The following MCC variants were observed in gnomAD, a reference collection of about 807,000 sequenced individuals.
MCC encodes MCC regulator of Wnt signaling pathway.
Under a neutral mutation model 116.2 loss-of-function variants are expected in MCC, and 90 were observed. The ratio of observed to expected loss-of-function variants is 0.77; its 90% CI spans 0.65 to 0.92. The LOEUF (loss-of-function observed/expected upper bound fraction) is 0.92. MCC is among the 40% of genes least tolerant of loss of function. The pLI is 0.00. For missense variants in MCC, 1,516 were observed against 1,312.2 expected (o/e 1.16, Z -2.40); for synonymous variants, 578 against 510.5 (o/e 1.13, Z -1.78).
At chr5:113,107,480 G>T (rs991587721) in intron 6 of MCC, among the ~76,000 whole-genome samples, 1 of 152,034 alleles carries the variant, frequency 6.6e-6, no homozygotes, top group Non-Finnish European at 1.5e-5. Context: ...TGTGGACCTC[G>T]ACCTGAGCTG....
At chr5:113,401,321 T>C (rs1769680936) in intron 1 of MCC, among the ~76,000 whole-genome samples, 1 of 152,166 alleles carries the variant, frequency 6.6e-6, no homozygotes, top group South Asian at 2.1e-4. Flanking sequence ...TACAATTATG[T>C]TTATTTTTTC....
chr5:113,271,623 T>C (rs573525667), intron 3 of MCC, among the ~76,000 whole-genome samples: 12 of 152,140 alleles, frequency 7.9e-5, no homozygotes, highest in African/African-American at 2.9e-4. Context: ...GTTCCCCACA[T>C]TGGGAATGTG....
At chr5:113,418,319 AAT>A (rs1447556816) in intron 1 of MCC, among the ~76,000 whole-genome samples, 7 of 148,318 alleles carry the variant, frequency 4.7e-5, no homozygotes, top group South Asian at 2.1e-4. Context: ...AAAAAGGTGA[AAT>A]ATGTTATATG....
chr5:113,053,309 G>A (rs1752605176), intron 15 of MCC, among the ~76,000 whole-genome samples: 1 of 152,134 alleles, frequency 6.6e-6, no homozygotes, highest in African/African-American at 2.4e-5. Context: ...CAGGAAACTA[G>A]GGCTCTCGGC....
intron 6 of MCC, among the ~76,000 whole-genome samples, chr5:113,111,659 A>G (rs1369277479): frequency 6.6e-6 from 1 of 152,254 alleles, no homozygotes; most frequent in Non-Finnish European, 1.5e-5. Context: ...AATACACTAC[A>G]GGAACTTAAC....
chr5:113,045,632 T>G (rs1464048800), intron 16 of MCC, among the ~76,000 whole-genome samples: 2 of 151,948 alleles, frequency 1.3e-5, no homozygotes, highest in East Asian at 3.9e-4. Flanking sequence ...AAAACTCATC[T>G]CTACTAAAAA....
chr5:113,281,471 GACC>G (rs1401435727), intron 3 of MCC, among the ~76,000 whole-genome samples: 2 of 152,190 alleles, frequency 1.3e-5, no homozygotes, highest in Non-Finnish European at 2.9e-5. Context: ...CACAGGCAGT[GACC>G]ACAATGCCAC....
intron 3 of MCC, among the ~76,000 whole-genome samples, chr5:113,300,820 A>G (rs1017439668): frequency 1.3e-5 from 2 of 152,254 alleles, no homozygotes; most frequent in Admixed American, 6.5e-5. Flanking sequence ...ACCAGCCTCA[A>G]TGGCCTGCCC....
intron 17 of MCC, among the ~76,000 whole-genome samples, chr5:113,031,788 A>G (rs191692753): frequency 7.9e-4 from 121 of 152,240 alleles, no homozygotes; most frequent in Middle Eastern, 3.4e-3. Context: ...TCAGGGGACC[A>G]GAGGGAACTT....
intron 2 of MCC, among the ~76,000 whole-genome samples, chr5:113,357,453 C>T (rs746976027): frequency 6.6e-5 from 10 of 152,214 alleles, no homozygotes; most frequent in Non-Finnish European, 1.2e-4. Context: ...CAGAAGAGGG[C>T]CCCCCACCTA....
intron 1 of MCC, among the ~76,000 whole-genome samples, chr5:113,462,376 C>T (rs904383140): frequency 2.0e-5 from 3 of 152,212 alleles, no homozygotes; most frequent in Admixed American, 2.0e-4. Flanking sequence ...TCAACAGAAA[C>T]ACTGGGAAAT....
At chr5:113,028,241 C>G (rs1361885778) in intron 18 of MCC, among the ~76,000 whole-genome samples, 2 of 152,176 alleles carry the variant, frequency 1.3e-5, no homozygotes, top group Admixed American at 6.5e-5. Context: ...CAATATACAT[C>G]CACATAATGT....
intron 1 of MCC, among the ~76,000 whole-genome samples, chr5:113,395,343 A>C (rs1399070799): frequency 6.6e-6 from 1 of 152,222 alleles, no homozygotes; most frequent in Non-Finnish European, 1.5e-5. Flanking sequence ...GGAAAATAAA[A>C]ACTTGGGACC....
chr5:113,191,048 T>C (rs1454657794), intron 3 of MCC, among the ~76,000 whole-genome samples: 1 of 152,172 alleles, frequency 6.6e-6, no homozygotes, highest in Non-Finnish European at 1.5e-5. Flanking sequence ...CTGGATTATA[T>C]AGATGACTTA....
intron 3 of MCC, among the ~76,000 whole-genome samples, chr5:113,216,025 G>A (rs1051835445): frequency 6.6e-6 from 1 of 152,188 alleles, no homozygotes; most frequent in Non-Finnish European, 1.5e-5. Context: ...TGTTCCAGAG[G>A]TCAGGAAACT....
At chr5:113,235,321 G>A (rs946792279) in intron 3 of MCC, among the ~76,000 whole-genome samples, 2 of 152,140 alleles carry the variant, frequency 1.3e-5, no homozygotes, top group Non-Finnish European at 2.9e-5. Flanking sequence ...TAGCCTCTTT[G>A]TTAACTTAGA....
chr5:113,172,615 A>G (rs962214861), intron 3 of MCC, among the ~76,000 whole-genome samples: 2 of 152,368 alleles, frequency 1.3e-5, no homozygotes, highest in Admixed American at 1.3e-4. Context: ...ACCCATGGCC[A>G]TCTGTCCATC....
At chr5:113,160,968 A>T (rs76363620) in intron 3 of MCC, among the ~76,000 whole-genome samples, 9,417 of 152,242 alleles carry the variant, frequency 0.062, 398 homozygotes, top group East Asian at 0.16. Flanking sequence ...CCTTCAACTG[A>T]TGTGATCTTT....
intron 6 of MCC, among the ~76,000 whole-genome samples, chr5:113,120,402 G>A (rs79481147): frequency 0.011 from 1,738 of 152,294 alleles, 20 homozygotes; most frequent in Non-Finnish European, 0.018. Context: ...CCAACATACA[G>A]CTCTCAATGG....
Sources: gnomAD v4.1 joint callset for allele counts (sites outside exome capture counted in the v4.1 genomes callset) on GRCh38, gnomAD v4.1.1 for gene constraint, MANE v1.5 for transcripts, NCBI Gene and HGNC (gene_info 2026-07-23, HGNC 2026-07-21) for gene names.